FILIP1: variants seen among roughly 807,000 people sequenced by gnomAD.
FILIP1 encodes the protein filamin-A-interacting protein 1.
A neutral mutation model predicts 102.1 loss-of-function variants in FILIP1; 61 were observed. The observed-to-expected ratio is 0.60, with a 90% CI of 0.49 to 0.74. The LOEUF is 0.74. Ranked by LOEUF, FILIP1 falls within the 30% of genes least tolerant of loss-of-function variation. The probability of loss-of-function intolerance (pLI) is 0.00; values close to 1 mark genes in which losing one functional copy is unlikely to be tolerated. For missense variants in FILIP1, 1,314 were observed against 1,441.2 expected (o/e 0.91, Z 1.43); for synonymous variants, 491 against 526.9 (o/e 0.93, Z 0.93).
chr6:75,368,232 A>G (rs13211961), intron 2 of FILIP1, among the ~76,000 whole-genome samples: 8,800 of 152,246 alleles, frequency 0.058, 328 homozygotes, highest in Non-Finnish European at 0.076. Context: ...AGCTGGCTGG[A>G]TAAGAAGCTG....
chr6:75,302,918 T>C (rs373032697), intron 6 of FILIP1, among the ~76,000 whole-genome samples: 13 of 152,218 alleles, frequency 8.5e-5, no homozygotes, highest in African/African-American at 3.1e-4. Context: ...AAATGAATCC[T>C]AGAGTTTTGA....
chr6:75,467,882 T>C (rs950669445), intron 1 of FILIP1, among the ~76,000 whole-genome samples: 1 of 152,174 alleles, frequency 6.6e-6, no homozygotes, highest in Non-Finnish European at 1.5e-5. Context: ...AGACAGTGTT[T>C]GTTACAGGAG....
intron 4 of FILIP1, among the ~76,000 whole-genome samples, chr6:75,333,864 G>T (rs1025561161): frequency 9.2e-5 from 14 of 152,086 alleles, no homozygotes; most frequent in African/African-American, 3.4e-4. Flanking sequence ...TTACACAATT[G>T]TTTAACATAA....
In FILIP1 at chr6:75,315,085, C is replaced by G; in HGVS notation, c.747G>C (p.Met249Ile). Residue 249 changes from methionine (M) to isoleucine (I), a missense_variant, in exon 5 of 6, where the codon ATG (methionine) becomes ATC (isoleucine). By Grantham distance (10) the Met-to-Ile change is conservative. Around this residue, in one of 3 missense-constraint regions of FILIP1, gnomAD observed 494 missense variants for 511.2 expected, o/e 0.97. Coordinates refer to ENST00000237172, the MANE Select transcript of FILIP1 (RefSeq NM_015687.5). ...TGTGCATTTGTCTTTCATCCACCAGCATGAGTGCAAAGGATTTGAGTTTAA... is the reference window on the plus strand; with the variant it reads ...TGTGCATTTGTCTTTCATCCACCAGGATGAGTGCAAAGGATTTGAGTTTAA... ...ELVKLKSFAL[M>I]LVDERQMHIE... 1 of 1,614,132 alleles carries G rather than the reference C, an allele frequency of 6.2e-7. No individual in the cohort carries two copies. The highest frequency in any genetic ancestry group is 8.5e-7 in the Non-Finnish European group (1 of 1,180,006).
chr6:75,444,985 C>T (rs891832580), intron 1 of FILIP1, among the ~76,000 whole-genome samples: 3 of 152,028 alleles, frequency 2.0e-5, no homozygotes, highest in African/African-American at 7.2e-5. Context: ...GAGAACTGAG[C>T]CAGTATAAAG....
At chr6:75,349,109 G>C (rs1485121006) in intron 4 of FILIP1, among the ~76,000 whole-genome samples, 1 of 152,242 alleles carries the variant, frequency 6.6e-6, no homozygotes. Context: ...GTAGAATGAG[G>C]GATTTGAAAG....
intron 4 of FILIP1, chr6:75,318,997 T>C (rs1385202349): frequency 1.6e-6 from 1 of 644,184 alleles, no homozygotes; most frequent in South Asian, 1.7e-5. Flanking sequence ...AAATGCTTTA[T>C]AGACATGAAA....
At chr6:75,295,932 T>A (rs1772654969) in exon 7 of FILIP1, 2 of 1,465,056 alleles carry the variant, frequency 1.4e-6, no homozygotes, top group African/African-American at 2.9e-5. Flanking sequence ...CATTCGTAAC[T>A]GGTGAATGAT....
Position 75,313,761 on chromosome 6 carries a change from T to C in FILIP1, c.2071A>G (p.Asn691Asp), listed in dbSNP as rs747667417. Reference sequence around the variant, plus strand: ...ACCTCACCCTTCTCTATTGCTTTATTCTTGGCAATTTGGTGCTTGATCTCC... The same window carrying C: ...ACCTCACCCTTCTCTATTGCTTTATCCTTGGCAATTTGGTGCTTGATCTCC... ...LEEIKHQIAK[N>D]KAIEKGEVVS... The change falls in exon 5 of 6, where the codon AAT becomes GAT. Residue 691 changes from asparagine (N) to aspartate (D), a missense_variant. Around this residue, in one of 3 missense-constraint regions of FILIP1, gnomAD observed 816 missense variants for 913.1 expected, o/e 0.89. Coordinates refer to ENST00000237172, the MANE Select transcript of FILIP1 (RefSeq NM_015687.5). This position sits in a 1 kb window ranked among gnomAD's most constrained non-coding sequence, Gnocchi z 4.2. The C allele has an allele frequency of 2.9e-5, 46 of 1,595,934 alleles. No homozygotes were observed. Among genetic ancestry groups the C allele is most frequent in the Non-Finnish European group, 3.9e-5 (46 of 1,173,462 alleles).
At chr6:75,336,889 C>T (rs1190070843) in intron 4 of FILIP1, among the ~76,000 whole-genome samples, 1 of 152,102 alleles carries the variant, frequency 6.6e-6, no homozygotes, top group African/African-American at 2.4e-5. Context: ...TTAGAAGCCT[C>T]TTGGAAGCCA....
intron 4 of FILIP1, among the ~76,000 whole-genome samples, chr6:75,327,029 G>T (rs537529825): frequency 3.2e-4 from 48 of 152,028 alleles, no homozygotes; most frequent in African/African-American, 1.1e-3. Context: ...AATCCATTCA[G>T]TAGCGTGGAC....
intron 4 of FILIP1, among the ~76,000 whole-genome samples, chr6:75,342,595 T>G (rs377374892): frequency 6.6e-6 from 1 of 152,244 alleles, no homozygotes; most frequent in African/African-American, 2.4e-5. Flanking sequence ...TTCTAGGGCT[T>G]CAAGCCCTCA....
rs1773588837 is a variant in FILIP1 at position 75,319,894 on chromosome 6, C to T, written c.630-4692G>A. 12 of 459,148 alleles carry T rather than the reference C, an allele frequency of 2.6e-5. No individual in the cohort carries two copies. In the South Asian group the frequency reaches 2.7e-4, roughly 10 times the overall value. 28.4% of individuals were successfully genotyped at this position (459,148 alleles called of 1,614,324 possible). A position where few individuals can be genotyped will look rare whatever the true frequency, so the allele number is the denominator to read the frequency against. ...TGACTGAAGCACCTGGGTGCTTCTT[C>T]TTATGCTCCTCCTCCGGACAAGTTT... On this transcript the variant is annotated intron_variant, in intron 4 of 5. Transcript: ENST00000237172.
At chr6:75,391,626 A>G (rs1776282783) in intron 2 of FILIP1, among the ~76,000 whole-genome samples, 1 of 152,176 alleles carries the variant, frequency 6.6e-6, no homozygotes, top group Non-Finnish European at 1.5e-5. Flanking sequence ...TTCTTACTTT[A>G]GTCACTAAAT....
intron 4 of FILIP1, among the ~76,000 whole-genome samples, chr6:75,345,591 G>A (rs1774552588): frequency 6.6e-6 from 1 of 152,108 alleles, no homozygotes; most frequent in Non-Finnish European, 1.5e-5. Context: ...AAGATTAGGT[G>A]GGGTGACCAG....
chr6:75,441,619 C>G lies in FILIP1; in HGVS notation c.-6-26641G>C, dbSNP rs1305708541. Among the ~76,000 whole-genome samples, 4 of 147,820 alleles carry G rather than the reference C, an allele frequency of 2.7e-5. No individual in the cohort carries two copies. The East Asian group carries it at 8.0e-4, about 30-fold the overall frequency. ...CTGGCCGGGCAGGGGGCTGACCCCCCCGACCTCCCTCCCGGACGGGGCGGC... is the reference window on the plus strand; with the variant it reads ...CTGGCCGGGCAGGGGGCTGACCCCCGCGACCTCCCTCCCGGACGGGGCGGC... On this transcript the variant is annotated intron_variant, in intron 1 of 5. Transcript: ENST00000237172.
At chr6:75,438,326 A>G (rs898519233) in intron 1 of FILIP1, among the ~76,000 whole-genome samples, 2 of 152,256 alleles carry the variant, frequency 1.3e-5, no homozygotes, top group Admixed American at 6.5e-5. Flanking sequence ...ATTCACAGCA[A>G]CTGATGAGTA....
intron 4 of FILIP1, among the ~76,000 whole-genome samples, chr6:75,315,615 G>A (rs1392441085): frequency 1.3e-5 from 2 of 152,096 alleles, no homozygotes; most frequent in African/African-American, 2.4e-5. Context: ...TGTATCCTTG[G>A]TGTTAGCATT....
chr6:75,337,936 G>C (rs1774296139), intron 4 of FILIP1, among the ~76,000 whole-genome samples: 1 of 152,122 alleles, frequency 6.6e-6, no homozygotes, highest in Non-Finnish European at 1.5e-5. Flanking sequence ...AAGTTGTTGT[G>C]TGTTATTTAG....
Sources: allele counts gnomAD v4.1 joint callset (sites outside exome capture counted in the v4.1 genomes callset), GRCh38; gene constraint gnomAD v4.1.1; regional missense constraint gnomAD v4.1.1; non-coding constraint Gnocchi (gnomAD v3.1); transcripts MANE v1.5; gene names NCBI Gene and HGNC (gene_info 2026-07-23, HGNC 2026-07-21).